ITGAL: variants seen among roughly 807,000 people sequenced by gnomAD.
ITGAL encodes the protein integrin alpha-L.
In ITGAL, 68 loss-of-function variants were observed where a neutral mutation model predicts 138.4. The ratio of observed to expected loss-of-function variants is 0.49; its 90% CI spans 0.40 to 0.60. The LOEUF (loss-of-function observed/expected upper bound fraction) is 0.60, where lower values mean the gene tolerates loss of function less well. Among genes scored for constraint, ITGAL ranks in the 20% least tolerant of loss-of-function variants. The probability of loss-of-function intolerance (pLI) is 0.00; values close to 1 mark genes in which losing one functional copy is unlikely to be tolerated. For missense variants in ITGAL, 1,256 were observed against 1,478.6 expected, an observed-to-expected ratio of 0.85 and a Z score of 2.47; for synonymous variants, 561 against 584.3, an observed-to-expected ratio of 0.96 and a Z score of 0.57.
intron 17 of ITGAL, 70 bp from the exon 18 acceptor site, chr16:30,504,105 G>C: frequency 8.7e-7 from 1 of 1,148,970 alleles, no homozygotes; most frequent in East Asian, 2.4e-5. Flanking sequence ...ATGCTGACAA[G>C]GTATACATCT....
chr16:30,474,591 C>T (rs545988361), intron 2 of ITGAL: 177 of 372,286 alleles, frequency 4.8e-4, no homozygotes, highest in African/African-American at 3.2e-3. Context: ...CCCCTGCGAG[C>T]GCCTGGAAGC....
At chr16:30,478,419 C>T (rs1004431580) in intron 4 of ITGAL, among the ~76,000 whole-genome samples, 5 of 150,908 alleles carry the variant, frequency 3.3e-5, no homozygotes, top group African/African-American at 1.2e-4. Flanking sequence ...AGAGGCATGG[C>T]CGGGCGCGGT....
chr16:30,500,189 G>A (rs1367801078), intron 17 of ITGAL, among the ~76,000 whole-genome samples: 3 of 150,516 alleles, frequency 2.0e-5, no homozygotes, highest in Non-Finnish European at 3.0e-5. Context: ...GGGTTCAAGC[G>A]ATTCTCCTGC....
intron 15 of ITGAL, among the ~76,000 whole-genome samples, chr16:30,498,180 C>G (rs2050831555): frequency 6.7e-6 from 1 of 150,122 alleles, no homozygotes; most frequent in Non-Finnish European, 1.5e-5. Flanking sequence ...CAAAAATTAG[C>G]TGGGCATGGT....
chr16:30,476,943 C>G (rs888903188), intron 4 of ITGAL, among the ~76,000 whole-genome samples: 1 of 152,108 alleles, frequency 6.6e-6, no homozygotes, highest in Non-Finnish European at 1.5e-5. Context: ...CACTTTATTT[C>G]TTTTAAACCC....
At position 30,472,884 on chromosome 16, in the gene ITGAL, G is replaced by T. The variant is rs748713465; in HGVS notation, c.47G>T (p.Gly16Val). 206 of 1,612,900 alleles carry T rather than the reference G, an allele frequency of 1.3e-4. No individual in the cohort carries two copies. Among genetic ancestry groups the T allele is most frequent in the Non-Finnish European group, 1.7e-4 (200 of 1,179,820 alleles). Reference protein sequence around the residue: ...ITVMAMALLSGFFFFAPASSY... With the variant: ...ITVMAMALLSVFFFFAPASSY... ...GTGATGGCCATGGCGCTGCTGTCTG[G>T]GTTCTTTTTCTTCGGTAGGCAAGGG... The change falls in exon 1 of 31, where the codon GGG becomes GTG. Residue 16 changes from glycine to valine, a missense_variant. By Grantham distance (109) the Gly-to-Val change is moderately radical. Transcript: ENST00000356798.
intron 4 of ITGAL, among the ~76,000 whole-genome samples, chr16:30,476,127 T>C (rs951966657): frequency 4.0e-5 from 6 of 151,854 alleles, no homozygotes; most frequent in Non-Finnish European, 7.4e-5. Flanking sequence ...CGCGGGCGCC[T>C]GTAGTCCCAG....
At chr16:30,484,035 C>T in intron 8 of ITGAL, 76 bp downstream of exon 8, 1 of 1,594,490 alleles carries the variant, frequency 6.3e-7, no homozygotes, top group South Asian at 1.1e-5. Flanking sequence ...CTCCCTGGGG[C>T]CAGACTCTTG....
chr16:30,480,706 A>C (rs1476852782), intron 6 of ITGAL: 1 of 152,236 alleles, frequency 6.6e-6, no homozygotes, highest in Non-Finnish European at 1.5e-5. Context: ...GTCCTGCATA[A>C]GAAGAGATTG....
At chr16:30,478,257 C>T (rs1367346417) in intron 4 of ITGAL, among the ~76,000 whole-genome samples, 1 of 151,136 alleles carries the variant, frequency 6.6e-6, no homozygotes, top group Admixed American at 6.6e-5. Flanking sequence ...TCACTTGAAC[C>T]CGGGAAGCAG....
At chr16:30,511,260 A>G (rs2151171554) in intron 24 of ITGAL, 124 bp downstream of exon 24, 3 of 741,524 alleles carry the variant, frequency 4.0e-6, no homozygotes, top group East Asian at 5.1e-5. Context: ...CCCTTGGGGT[A>G]ATTAGAACTG....
intron 21 of ITGAL, among the ~76,000 whole-genome samples, chr16:30,508,306 C>T (rs570767484): frequency 3.3e-5 from 5 of 150,944 alleles, no homozygotes; most frequent in Admixed American, 1.3e-4. Flanking sequence ...CTCCGCCTCC[C>T]AGGTTCAAGT....
At chr16:30,480,907 G>C (rs577629622) in intron 6 of ITGAL, 2 of 154,206 alleles carry the variant, frequency 1.3e-5, no homozygotes, top group African/African-American at 4.8e-5. Flanking sequence ...TGACGAGGGA[G>C]GATGGCTCGA....
At chr16:30,477,528 G>C (rs1260605965) in intron 4 of ITGAL, among the ~76,000 whole-genome samples, 1 of 152,116 alleles carries the variant, frequency 6.6e-6, no homozygotes, top group Non-Finnish European at 1.5e-5. Flanking sequence ...GACAGAGTGA[G>C]ACCTGTGTCT....
intron 8 of ITGAL, 47 bp downstream of exon 8, chr16:30,484,006 C>G: frequency 6.3e-7 from 1 of 1,598,730 alleles, no homozygotes; most frequent in Non-Finnish European, 8.6e-7. Flanking sequence ...TCTCCTCTTT[C>G]TGAACCCCAA....
chr16:30,485,707 A>AT, intron 9 of ITGAL, among the ~76,000 whole-genome samples: 1 of 117,910 alleles, frequency 8.5e-6, no homozygotes, highest in East Asian at 2.4e-4. Flanking sequence ...TATTTTTTGT[A>AT]TTTTTTGTAG....
chr16:30,498,948 C>G (rs930390887), intron 15 of ITGAL, 126 bp from the exon 16 acceptor site: 2 of 708,886 alleles, frequency 2.8e-6, no homozygotes, highest in African/African-American at 3.6e-5. Context: ...TAAGAGGAGA[C>G]AGTGACATGT....
intron 17 of ITGAL, chr16:30,503,919 T>A (rs2050944189): frequency 6.2e-6 from 2 of 324,338 alleles, no homozygotes; most frequent in South Asian, 5.7e-5. Flanking sequence ...TAGGACACAG[T>A]GGGGGAAAAG....
intron 9 of ITGAL, among the ~76,000 whole-genome samples, chr16:30,484,748 G>A (rs1228539304): frequency 4.0e-5 from 6 of 151,860 alleles, no homozygotes; most frequent in East Asian, 1.9e-4. Context: ...GCGAAACCCC[G>A]TCTCTACTAA....
Sources: allele counts gnomAD v4.1 joint callset (sites outside exome capture counted in the v4.1 genomes callset), GRCh38; gene constraint gnomAD v4.1.1; transcripts MANE v1.5; gene names NCBI Gene and HGNC (gene_info 2026-07-23, HGNC 2026-07-21).